The following PRRX2 variants were observed in gnomAD, a reference collection of about 807,000 sequenced individuals.
PRRX2 encodes paired mesoderm homeobox protein 2.
In PRRX2, 11 loss-of-function variants were observed where a neutral mutation model predicts 18.0. The observed-to-expected ratio is 0.61, with a 90% CI of 0.39 to 1.01. The LOEUF is 1.01. Among genes scored for constraint, PRRX2 ranks in the 50% least tolerant of loss-of-function variants. The probability of loss-of-function intolerance (pLI) is 0.01; values close to 1 mark genes in which losing one functional copy is unlikely to be tolerated. For missense variants in PRRX2, 387 were observed against 351.0 expected (o/e 1.10, Z -0.82); for synonymous variants, 177 against 154.8 (o/e 1.14, Z -1.06).
In PRRX2 at chr9:129,709,724, A is replaced by G. The variant is rs1015876666; in HGVS notation, c.260-9507A>G. Among the ~76,000 whole-genome samples the G allele has an allele frequency of 8.5e-5, 13 of 152,158 alleles. No homozygotes were observed. The highest frequency in any genetic ancestry group is 3.1e-4 in the African/African-American group (13 of 41,442). On this transcript the variant is annotated intron_variant, in intron 1 of 3. Coordinates refer to ENST00000372469, the MANE Select transcript of PRRX2 (RefSeq NM_016307.4). This position sits in a 1 kb window ranked among gnomAD's most constrained non-coding sequence, Gnocchi z 4.2. ...TTTTTGTTCAAAATTAATGAGGTGA[A>G]ACATTCTTAAAAGTGTGGCAGGGCA...
chr9:129,712,410 C>T (rs1220451334), intron 1 of PRRX2, among the ~76,000 whole-genome samples: 1 of 152,150 alleles, frequency 6.6e-6, no homozygotes, highest in East Asian at 1.9e-4. Flanking sequence ...AGTTAATTCC[C>T]TCCAGACTAT....
chr9:129,698,406 G>A (rs1048134373), intron 1 of PRRX2, among the ~76,000 whole-genome samples: 1 of 152,228 alleles, frequency 6.6e-6, no homozygotes, highest in African/African-American at 2.4e-5. Flanking sequence ...CCAGGGCTTG[G>A]GACTCAGCAG....
At chr9:129,693,617 G>T (rs1024307053) in intron 1 of PRRX2, among the ~76,000 whole-genome samples, 3 of 146,564 alleles carry the variant, frequency 2.0e-5, no homozygotes, top group African/African-American at 5.0e-5. Context: ...AAAAAAAAAA[G>T]ATCGTTCTTT....
At chr9:129,673,724 G>C (rs1832129292) in intron 1 of PRRX2, among the ~76,000 whole-genome samples, 1 of 152,038 alleles carries the variant, frequency 6.6e-6, no homozygotes, top group African/African-American at 2.4e-5. Flanking sequence ...CCGGCCCCCT[G>C]ATGGAGCCCT....
At chr9:129,694,575 C>T (rs1372970730) in intron 1 of PRRX2, among the ~76,000 whole-genome samples, 1 of 152,180 alleles carries the variant, frequency 6.6e-6, no homozygotes, top group Non-Finnish European at 1.5e-5. Context: ...GGCAGGGAGG[C>T]AGCGCGGTTC....
intron 3 of PRRX2, among the ~76,000 whole-genome samples, 166 bp downstream of exon 3, chr9:129,720,940 G>T (rs1832782318): frequency 6.6e-6 from 1 of 152,188 alleles, no homozygotes; most frequent in African/African-American, 2.4e-5. Context: ...GCCTGTGAGT[G>T]GGTGTTCACG....
chr9:129,721,206 G>C (rs1052958364), intron 3 of PRRX2, among the ~76,000 whole-genome samples: 1 of 152,108 alleles, frequency 6.6e-6, no homozygotes, highest in Non-Finnish European at 1.5e-5. Context: ...AGGCTGTCAC[G>C]GGGGCCCCAG....
chr9:129,667,779 A>G (rs1832044487), intron 1 of PRRX2, among the ~76,000 whole-genome samples: 2 of 152,144 alleles, frequency 1.3e-5, no homozygotes, highest in Non-Finnish European at 2.9e-5. Context: ...GGGATCCCAG[A>G]ACAGCTAGTG....
intron 1 of PRRX2, among the ~76,000 whole-genome samples, chr9:129,672,273 C>G (rs1242356451): frequency 6.6e-6 from 1 of 152,260 alleles, no homozygotes; most frequent in East Asian, 1.9e-4. Flanking sequence ...CGTGAGGGGA[C>G]GTGGTGAGAG....
At position 129,722,433 on chromosome 9, in the gene PRRX2, C is replaced by T. The variant is rs1414140095; in HGVS notation, c.*81C>T. ...GGGCAGACGCCCAGGAAGTGACCTTCTCCTGGATGAGCTCTCCTGGCCCGT... is the reference window on the plus strand; with the variant it reads ...GGGCAGACGCCCAGGAAGTGACCTTTTCCTGGATGAGCTCTCCTGGCCCGT... On this transcript the variant is annotated 3_prime_UTR_variant, in exon 4 of 4. Coordinates refer to ENST00000372469, the MANE Select transcript of PRRX2 (RefSeq NM_016307.4). The T allele has an allele frequency of 6.6e-7, 1 of 1,521,108 alleles. No individual in the cohort carries two copies. The highest frequency in any genetic ancestry group is 1.2e-5 in the South Asian group (1 of 80,252). The allele number at this position is 1,521,108 out of a possible 1,614,324, so 94.2% of individuals were successfully genotyped here. A position where few individuals can be genotyped will look rare whatever the true frequency, so the allele number is the denominator to read the frequency against.
intron 1 of PRRX2, among the ~76,000 whole-genome samples, chr9:129,685,259 T>A (rs1377126382): frequency 6.6e-6 from 1 of 152,258 alleles, no homozygotes; most frequent in Non-Finnish European, 1.5e-5. Context: ...TCACGTTACA[T>A]TAAGCACCAT....
chr9:129,683,543 G>T (rs1832259381), intron 1 of PRRX2, among the ~76,000 whole-genome samples: 1 of 152,148 alleles, frequency 6.6e-6, no homozygotes. Flanking sequence ...AGACCGTCCT[G>T]GCTAAAACGG....
At chr9:129,682,438 A>AC (rs1229358750) in intron 1 of PRRX2, among the ~76,000 whole-genome samples, 1 of 151,988 alleles carries the variant, frequency 6.6e-6, no homozygotes, top group Non-Finnish European at 1.5e-5. Context: ...GCCCCCAAGG[A>AC]CGCTCATCTC....
chr9:129,672,425 A>G (rs10988468), intron 1 of PRRX2, among the ~76,000 whole-genome samples: 1 of 152,154 alleles, frequency 6.6e-6, no homozygotes, highest in Non-Finnish European at 1.5e-5. Context: ...GGTGAAGGTC[A>G]CACCGTTCCC....
intron 1 of PRRX2, 83 bp downstream of exon 1, chr9:129,666,209 G>C: frequency 1.1e-6 from 1 of 950,896 alleles, no homozygotes; most frequent in South Asian, 4.7e-5. Flanking sequence ...GAGCCGGCGC[G>C]GGGCGGGCGA....
intron 1 of PRRX2, among the ~76,000 whole-genome samples, chr9:129,693,044 A>C (rs1193617206): frequency 1.3e-5 from 2 of 152,132 alleles, no homozygotes; most frequent in African/African-American, 4.8e-5. Context: ...GTTGCCCCAC[A>C]TCTTCGCCAG....
In PRRX2 at chr9:129,671,473, C is replaced by A. The variant is rs1367320326; in HGVS notation, c.259+5347C>A. 6.6e-6 allele frequency among the ~76,000 whole-genome samples: 1 copy of A among 152,200 alleles called. No homozygotes were observed. Among genetic ancestry groups the A allele is most frequent in the African/African-American group, 2.4e-5 (1 of 41,444 alleles). On this transcript the variant is annotated intron_variant, in intron 1 of 3. Transcript: ENST00000372469. This position sits in a 1 kb window ranked among gnomAD's most constrained non-coding sequence, Gnocchi z 4.0. Reference sequence around the variant, plus strand: ...TCTCTGTGAGCAGAAACTCAACAGGCTGGAGCCACCACTGTCCCCTCCCAG... The same window carrying A: ...TCTCTGTGAGCAGAAACTCAACAGGATGGAGCCACCACTGTCCCCTCCCAG...
In PRRX2 at chr9:129,720,782, C is replaced by G; in HGVS notation, c.626+8C>G. ...AGCCTCGTCCCCCTACAGGTGAGAG[C>G]GGGAACACCTTTGGGCCAGGAAGGG... On this transcript the variant is annotated splice_region_variant and intron_variant, in intron 3 of 3. Transcript: ENST00000372469. 6.4e-7 allele frequency: 1 copy of G among 1,554,848 alleles called. No homozygotes were observed. Among genetic ancestry groups the G allele is most frequent in the South Asian group, 1.2e-5 (1 of 84,928 alleles).
rs756460894 is a variant in PRRX2 at position 129,696,920 on chromosome 9, G to C, written c.260-22311G>C. On this transcript the variant is annotated intron_variant, in intron 1 of 3. Transcript: ENST00000372469. ...TGCAGCGCGGACCCCCCTGGGGCCA[G>C]AGTCCGATAGACCAGCTGAATGGCC... is the stretch of plus-strand genomic sequence containing the variant. 5.5e-4 allele frequency among the ~76,000 whole-genome samples: 84 copies of C among 152,196 alleles called. 2 individuals are homozygous for C. The highest frequency in any genetic ancestry group is 1.6e-4 in the Non-Finnish European group (11 of 68,036).
Sources: gnomAD v4.1 joint callset for allele counts (sites outside exome capture counted in the v4.1 genomes callset) on GRCh38, gnomAD v4.1.1 for gene constraint, Gnocchi (gnomAD v3.1) non-coding constraint, MANE v1.5 for transcripts, NCBI Gene and HGNC (gene_info 2026-07-23, HGNC 2026-07-21) for gene names.